TBL2: variants seen among roughly 807,000 people sequenced by gnomAD.
TBL2 encodes transducin beta like 2, also known as transducin beta-like protein 2.
TBL2 carries 33 observed loss-of-function variants against 41.8 expected under a neutral mutation model. That is an observed-to-expected ratio of 0.79 (90% CI 0.60 to 1.06). The LOEUF (loss-of-function observed/expected upper bound fraction) is 1.06. TBL2 is among the 50% of genes least tolerant of loss of function. TBL2 has a pLI of 0.00. For missense variants in TBL2, 522 were observed against 603.8 expected (o/e 0.86, Z 1.42); for synonymous variants, 239 against 241.7 (o/e 0.99, Z 0.10).
intron 1 of TBL2, chr7:73,574,714 G>A (rs1793188010): frequency 5.9e-6 from 4 of 678,370 alleles, no homozygotes; most frequent in Admixed American, 2.5e-5. Context: ...TAATCCCAAT[G>A]CTTTGGATCA....
At chr7:73,575,389 C>T (rs1193775052) in intron 1 of TBL2, among the ~76,000 whole-genome samples, 1 of 151,778 alleles carries the variant, frequency 6.6e-6, no homozygotes, top group Non-Finnish European at 1.5e-5. Flanking sequence ...CTCCCGGGTT[C>T]ACGCCATTCT....
chr7:73,574,192 G>T, intron 2 of TBL2, 70 bp from the exon 3 acceptor site: 1 of 1,576,272 alleles, frequency 6.3e-7, no homozygotes, highest in Non-Finnish European at 8.6e-7. Context: ...ACCTGGAGCC[G>T]GGGAGATGGG....
rs201725579 is a variant in TBL2 at position 73,574,112 on chromosome 7, C to G, written c.272G>C (p.Gly91Ala). ...LLAAALKSHS[G>A]NISCMDFSSN... ...GCTAAAGTCCATGCAAGATATGTTC[C>G]CGCTGTGGCTCTAGGGGAAGGGTGG... The change falls in exon 3 of 7, where the codon GGG becomes GCG. Residue 91 changes from glycine to alanine, a missense_variant. Transcript: ENST00000305632. 6.2e-7 allele frequency: 1 copy of G among 1,614,060 alleles called. No homozygotes were observed.
Position 73,567,781 on chromosome 7 carries a change from G to A in TBL2, c.*2726C>T, listed in dbSNP as rs116726036. On this transcript the variant is annotated 3_prime_UTR_variant, in exon 7 of 7. Coordinates refer to ENST00000305632, the MANE Select transcript of TBL2 (RefSeq NM_012453.4). ...AATGACTTTTTGGTAGTGTTTTCTCGTCTCACTGAAACACAACATGGCAAG... is the reference window on the plus strand; with the variant it reads ...AATGACTTTTTGGTAGTGTTTTCTCATCTCACTGAAACACAACATGGCAAG... Among the ~76,000 whole-genome samples, 627 of 152,092 alleles carry A rather than the reference G, an allele frequency of 4.1e-3. 4 individuals carry two copies. Among genetic ancestry groups the A allele is most frequent in the African/African-American group, 0.014 (593 of 41,480 alleles).
intron 5 of TBL2, 80 bp downstream of exon 5, chr7:73,572,764 G>A: frequency 1.3e-6 from 2 of 1,598,222 alleles, no homozygotes; most frequent in Non-Finnish European, 1.7e-6. Context: ...CCCACGCGAT[G>A]AAGCTGGCTC....
In TBL2 at chr7:73,568,104, A is replaced by G. The variant is rs1792717922; in HGVS notation, c.*2403T>C. 6.6e-6 allele frequency among the ~76,000 whole-genome samples: 1 copy of G among 152,234 alleles called. No homozygotes were observed. The highest frequency in any genetic ancestry group is 6.5e-5 in the Admixed American group (1 of 15,276). ...CAAAAGTCTGTGGTTAGGAACATAC[A>G]AAACCACAATGGAGACTGGGAGTGG... On this transcript the variant is annotated 3_prime_UTR_variant, in exon 7 of 7. Coordinates refer to ENST00000305632, the MANE Select transcript of TBL2 (RefSeq NM_012453.4).
chr7:73,572,840 C>T lies in TBL2; in HGVS notation c.725+4G>A. ...CCCAGACGCCAATACCCCTCCTTGCCCACCTGCCACAGGGAGATACAGCAG... is the reference window on the plus strand; with the variant it reads ...CCCAGACGCCAATACCCCTCCTTGCTCACCTGCCACAGGGAGATACAGCAG... On this transcript the variant is annotated splice_donor_region_variant and intron_variant, in intron 5 of 6. Coordinates refer to ENST00000305632, the MANE Select transcript of TBL2 (RefSeq NM_012453.4). The T allele has an allele frequency of 6.2e-7, 1 of 1,614,066 alleles. No homozygotes were observed. The highest frequency in any genetic ancestry group is 8.5e-7 in the Non-Finnish European group (1 of 1,179,960).
At chr7:73,573,886 A>G in intron 3 of TBL2, 52 bp downstream of exon 3, 1 of 1,595,150 alleles carries the variant, frequency 6.3e-7, no homozygotes, top group South Asian at 1.1e-5. Flanking sequence ...GGGAAGGCCA[A>G]AGCCTGGGAC....
chr7:73,576,780 T>G, intron 1 of TBL2: 1 of 450,348 alleles, frequency 2.2e-6, no homozygotes, highest in East Asian at 7.0e-5. Flanking sequence ...TCCTCACACT[T>G]AAGTCATACC....
In TBL2 at chr7:73,572,854, G is replaced by A. The variant is rs554941502; in HGVS notation, c.715C>T (p.Pro239Ser). 1 of 1,614,130 alleles carries A rather than the reference G, an allele frequency of 6.2e-7. No individual in the cohort carries two copies. Among genetic ancestry groups the A allele is most frequent in the African/African-American group, 1.3e-5 (1 of 75,054 alleles). The stretch of plus-strand genomic sequence containing the variant: ...CCCCTCCTTGCCCACCTGCCACAGG[G>A]AGATACAGCAGCGTGTGTGTTGTTC... Reference protein sequence around the residue: ...QMNNTHAAVSPCGRFVASCGF... With the variant: ...QMNNTHAAVSSCGRFVASCGF... Residue 239 changes from proline to serine, a missense_variant, in exon 5 of 7, where the codon CCC becomes TCC. Pro to Ser is a moderately conservative substitution (Grantham distance 74, BLOSUM62 -1). Coordinates refer to ENST00000305632, the MANE Select transcript of TBL2 (RefSeq NM_012453.4).
In TBL2 at chr7:73,578,378, G is replaced by C. The variant is rs782105085; in HGVS notation, c.130+42C>G. On this transcript the variant is annotated intron_variant, in intron 1 of 6. Coordinates refer to ENST00000305632, the MANE Select transcript of TBL2 (RefSeq NM_012453.4). ...TCGGACCACGAGGAGGCCGGGAGCC[G>C]GGACACCGCGGGCCGCCCCCACCCG... 3.9e-6 allele frequency: 6 copies of C among 1,521,544 alleles called. No homozygotes were observed. The South Asian group carries it at 7.4e-5, about 19-fold the overall frequency. The allele number at this position is 1,521,544 out of a possible 1,614,324, so 94.3% of individuals were successfully genotyped here. A position where few individuals can be genotyped will look rare whatever the true frequency, so the allele number is the denominator to read the frequency against.
chr7:73,576,600 C>A (rs1434979733), intron 1 of TBL2: 1 of 456,252 alleles, frequency 2.2e-6, no homozygotes, highest in Non-Finnish European at 4.4e-6. Flanking sequence ...GGGAGTGGAG[C>A]CAGTCACTTT....
At chr7:73,575,122 TTTTC>T (rs1255081403) in intron 1 of TBL2, among the ~76,000 whole-genome samples, 52 of 151,934 alleles carry the variant, frequency 3.4e-4, no homozygotes, top group African/African-American at 1.1e-3. Context: ...TTTTTTTTTC[TTTTC>T]TTTCTTTCTT....
intron 1 of TBL2, chr7:73,578,075 T>C: frequency 5.1e-6 from 3 of 589,400 alleles, no homozygotes; most frequent in Non-Finnish European, 8.7e-6. Context: ...CAGTAAATGC[T>C]GCTGCACATC....
rs571132040 is a variant in TBL2 at position 73,572,789 on chromosome 7, G to T, written c.725+55C>A. On this transcript the variant is annotated intron_variant, in intron 5 of 6. Transcript: ENST00000305632. ...GAAGCTGGCTCTCTGTTCTGTGCCTGCTCCCCAGCCCCAGCCTCTCGTGGT... is the reference window on the plus strand; with the variant it reads ...GAAGCTGGCTCTCTGTTCTGTGCCTTCTCCCCAGCCCCAGCCTCTCGTGGT... 5.9e-4 allele frequency: 945 copies of T among 1,611,628 alleles called. 12 individuals carry two copies. The South Asian group carries it at 9.9e-3, about 17-fold the overall frequency.
At chr7:73,574,691 T>A in intron 1 of TBL2, 178 bp from the exon 2 acceptor site, 1 of 806,376 alleles carries the variant, frequency 1.2e-6, no homozygotes, top group Non-Finnish European at 2.0e-6. Context: ...CTGGGTATGG[T>A]GGCTCATGCC....
chr7:73,574,658 G>T (rs911247638), intron 1 of TBL2, 145 bp from the exon 2 acceptor site: 3 of 1,159,256 alleles, frequency 2.6e-6, no homozygotes, highest in Non-Finnish European at 3.7e-6. Flanking sequence ...TGTGATATGG[G>T]CAAAAACAGA....
Position 73,578,553 on chromosome 7 carries a change from G to A in TBL2, c.-4C>T, listed in dbSNP as rs782170808. 6.3e-7 allele frequency: 1 copy of A among 1,589,298 alleles called. No individual in the cohort carries two copies. The highest frequency in any genetic ancestry group is 1.7e-4 in the Middle Eastern group (1 of 5,834). ...CCGACATCTGCGAGAGCTCCATGTT[G>A]GTGGAACCACTGCCACCTCAGCTAG... On this transcript the variant is annotated 5_prime_UTR_variant, in exon 1 of 7. Transcript: ENST00000305632.
At chr7:73,578,202 G>A (rs938646234) in intron 1 of TBL2, 171 of 1,505,338 alleles carry the variant, frequency 1.1e-4, no homozygotes, top group Non-Finnish European at 1.4e-4. Context: ...CCGCAGTAAG[G>A]GGCCCAGGTT....
Sources: gnomAD v4.1 joint callset for allele counts (sites outside exome capture counted in the v4.1 genomes callset) on GRCh38, gnomAD v4.1.1 for gene constraint, MANE v1.5 for transcripts, NCBI Gene and HGNC (gene_info 2026-07-23, HGNC 2026-07-21) for gene names.